Variants in SIPA1L3 observed in about 807,000 individuals in gnomAD.
The protein encoded by SIPA1L3 is signal induced proliferation associated 1 like 3.
SIPA1L3 carries 59 observed loss-of-function variants against 150.1 expected under a neutral mutation model. The observed-to-expected ratio is 0.39, with a 90% confidence interval of 0.32 to 0.49. The LOEUF is 0.49. Among genes scored for constraint, SIPA1L3 ranks in the 20% least tolerant of loss-of-function variants. SIPA1L3 has a pLI of 0.86. For synonymous variants in SIPA1L3, 1,070 were observed against 1,077.6 expected (o/e 0.99, Z 0.14); for missense variants, 2,211 against 2,489.5 (o/e 0.89, Z 2.38).
chr19:38,201,856 T>C lies in SIPA1L3; in HGVS notation c.4985-6T>C, dbSNP rs754312187. 2 of 1,605,258 alleles carry C rather than the reference T, an allele frequency of 1.2e-6. No individual in the cohort carries two copies. Among genetic ancestry groups the C allele is most frequent in the Admixed American group, 3.4e-5 (2 of 58,502 alleles). On this transcript the variant is annotated splice_polypyrimidine_tract_variant and splice_region_variant and intron_variant, in intron 19 of 21. Coordinates refer to ENST00000222345, the MANE Select transcript of SIPA1L3 (RefSeq NM_015073.3). ...GACCCCTCTCCTCCTCCTCCCTCCC[T>C]GGCAGTGCAAAGAGCCGTCTCACTC...
chr19:38,156,552 C>T (rs1045300457), intron 13 of SIPA1L3, among the ~76,000 whole-genome samples: 10 of 147,980 alleles, frequency 6.8e-5, no homozygotes, highest in African/African-American at 2.3e-4. Flanking sequence ...AGGCTGGGCG[C>T]AGTGGCTCAC....
intron 15 of SIPA1L3, among the ~76,000 whole-genome samples, chr19:38,165,639 C>G (rs1972192109): frequency 6.6e-6 from 1 of 152,222 alleles, no homozygotes; most frequent in African/African-American, 2.4e-5. Flanking sequence ...CTTCCAGGCT[C>G]TACCGTATAC....
In SIPA1L3 at chr19:38,079,054, C is replaced by T. The variant is rs140837465; in HGVS notation, c.-310-2202C>T. Among the ~76,000 whole-genome samples the T allele has an allele frequency of 5.6e-3, 856 of 152,278 alleles. 6 individuals carry two copies. Among genetic ancestry groups the T allele is most frequent in the Non-Finnish European group, 9.3e-3 (632 of 68,024 alleles). ...TATAATACTAAACGAACGTCCTGGACGTTCTAGATGGCTCACGCCTGTAAT... is the reference window on the plus strand; with the variant it reads ...TATAATACTAAACGAACGTCCTGGATGTTCTAGATGGCTCACGCCTGTAAT... On this transcript the variant is annotated intron_variant, in intron 2 of 21. Transcript: ENST00000222345.
chr19:38,174,135 A>G (rs1222202048), intron 15 of SIPA1L3, among the ~76,000 whole-genome samples: 1 of 152,090 alleles, frequency 6.6e-6, no homozygotes, highest in African/African-American at 2.4e-5. Flanking sequence ...CGCTCTGACA[A>G]TACAGGTGGC....
At chr19:38,056,380 TG>T (rs902964635) in intron 2 of SIPA1L3, among the ~76,000 whole-genome samples, 1 of 152,176 alleles carries the variant, frequency 6.6e-6, no homozygotes, top group Non-Finnish European at 1.5e-5. Flanking sequence ...GTGGCATCCT[TG>T]CACCTGTTTT....
chr19:38,124,709 A>G (rs1477678413), intron 9 of SIPA1L3, among the ~76,000 whole-genome samples: 1 of 152,202 alleles, frequency 6.6e-6, no homozygotes, highest in East Asian at 1.9e-4. Context: ...CAGCCTGGGC[A>G]CCATTGAGCA....
At chr19:38,035,861 G>A (rs1968769903) in intron 2 of SIPA1L3, among the ~76,000 whole-genome samples, 2 of 152,182 alleles carry the variant, frequency 1.3e-5, no homozygotes, top group African/African-American at 2.4e-5. Flanking sequence ...CAGCCTATAA[G>A]ATAATAAGCG....
chr19:38,110,527 A>C, intron 8 of SIPA1L3, 143 bp downstream of exon 8: 3 of 580,060 alleles, frequency 5.2e-6, no homozygotes, highest in Non-Finnish European at 8.7e-6. Flanking sequence ...ACACCATCTC[A>C]GAGAGTGGTT....
At chr19:37,951,430 CATGTGCACAGCTTTGAGTGTGAAGATCTA>C (rs1167131932) in intron 1 of SIPA1L3, among the ~76,000 whole-genome samples, 1 of 152,178 alleles carries the variant, frequency 6.6e-6, no homozygotes, top group East Asian at 1.9e-4. Context: ...GACCAGTGCT[CATGTGCACAGCTTTGAGTGTGAAGATCTA>C]AAAATTTTAG....
At chr19:38,037,557 G>T (rs1968819862) in intron 2 of SIPA1L3, among the ~76,000 whole-genome samples, 1 of 152,208 alleles carries the variant, frequency 6.6e-6, no homozygotes, top group Admixed American at 6.5e-5. Flanking sequence ...GCTGTTGAAA[G>T]AATCAAATGA....
At chr19:38,138,144 A>AT (rs1041420369) in intron 10 of SIPA1L3, among the ~76,000 whole-genome samples, 113 of 151,904 alleles carry the variant, frequency 7.4e-4, no homozygotes, top group Non-Finnish European at 1.2e-3. Flanking sequence ...TAAAAAAAAA[A>AT]AATAATAAAG....
intron 9 of SIPA1L3, among the ~76,000 whole-genome samples, chr19:38,122,828 C>G (rs1197192716): frequency 1.3e-5 from 2 of 152,200 alleles, no homozygotes; most frequent in African/African-American, 4.8e-5. Flanking sequence ...TGGCTCGCTC[C>G]CTTTCCTCCT....
intron 2 of SIPA1L3, among the ~76,000 whole-genome samples, chr19:38,039,652 C>G (rs1176916731): frequency 6.9e-6 from 1 of 144,084 alleles, no homozygotes; most frequent in Non-Finnish European, 1.5e-5. Context: ...CAAGATTGCA[C>G]CACTCTACTC....
At chr19:38,057,382 A>G (rs1383702186) in intron 2 of SIPA1L3, among the ~76,000 whole-genome samples, 1 of 151,686 alleles carries the variant, frequency 6.6e-6, no homozygotes, top group East Asian at 1.9e-4. Context: ...GGGAAGGTAT[A>G]AAGAACAGAT....
intron 1 of SIPA1L3, among the ~76,000 whole-genome samples, chr19:37,974,633 C>T (rs1405943780): frequency 6.6e-6 from 1 of 152,162 alleles, no homozygotes; most frequent in Non-Finnish European, 1.5e-5. Flanking sequence ...GCTTGACAGC[C>T]TGGACAGAGG....
chr19:37,942,171 G>A (rs1054214873), intron 1 of SIPA1L3, among the ~76,000 whole-genome samples: 10 of 152,116 alleles, frequency 6.6e-5, no homozygotes, highest in Admixed American at 5.9e-4. Context: ...GACGGAGCCC[G>A]ATAAGGTCTG....
At chr19:38,057,404 A>G (rs755231817) in intron 2 of SIPA1L3, among the ~76,000 whole-genome samples, 1 of 151,846 alleles carries the variant, frequency 6.6e-6, no homozygotes, top group African/African-American at 2.4e-5. Context: ...TTCGAAAACC[A>G]CTAGTAGCCC....
At chr19:38,143,432 C>T (rs1427580552) in intron 12 of SIPA1L3, among the ~76,000 whole-genome samples, 1 of 152,008 alleles carries the variant, frequency 6.6e-6, no homozygotes, top group African/African-American at 2.4e-5. Context: ...CCCTCTCCTC[C>T]TTTCCCTGTT....
At position 38,119,663 on chromosome 19, in the gene SIPA1L3, G is replaced by A; in HGVS notation, c.2649G>A (p.Gly883=). ...TGGTGGCCCAGGACTACGCCCAGGG[G>A]GTGGAAATCGACTGCATTTTGGGAA... ...WRVVAQDYAQ[G]VEIDCILGIS... The change falls in exon 9 of 22, where the codon GGG becomes GGA. Residue 883 remains glycine, a synonymous_variant. Transcript: ENST00000222345. The A allele has an allele frequency of 2.5e-6, 4 of 1,614,180 alleles. No homozygotes were observed. Among genetic ancestry groups the A allele is most frequent in the Non-Finnish European group, 3.4e-6 (4 of 1,180,016 alleles).
Sources: allele counts gnomAD v4.1 joint callset (sites outside exome capture counted in the v4.1 genomes callset), GRCh38; gene constraint gnomAD v4.1.1; transcripts MANE v1.5; gene names NCBI Gene and HGNC (gene_info 2026-07-23, HGNC 2026-07-21).